Variants in SUSD6 observed in about 807,000 individuals in gnomAD.
The protein encoded by SUSD6 is sushi domain containing 6.
A neutral mutation model predicts 28.4 loss-of-function variants in SUSD6; 16 were observed. That is an observed-to-expected ratio of 0.56 (90% CI 0.38 to 0.86). The LOEUF is 0.86. Among genes scored for constraint, SUSD6 ranks in the 40% least tolerant of loss-of-function variants. SUSD6 has a pLI of 0.00. For synonymous variants in SUSD6, 147 were observed against 159.6 expected (o/e 0.92, Z 0.59); for missense variants, 341 against 384.2 (o/e 0.89, Z 0.94).
chr14:69,695,177 C>G (rs1886207206), intron 2 of SUSD6, among the ~76,000 whole-genome samples: 1 of 152,068 alleles, frequency 6.6e-6, no homozygotes, highest in African/African-American at 2.4e-5. Context: ...TCACTGCAGC[C>G]TGTTTTAGAC....
At chr14:69,651,550 A>G (rs1411669898) in intron 1 of SUSD6, among the ~76,000 whole-genome samples, 1 of 152,206 alleles carries the variant, frequency 6.6e-6, no homozygotes. Flanking sequence ...CTGGCCTGAA[A>G]GGATGTCAGA....
At chr14:69,673,503 A>G (rs1885863878) in intron 2 of SUSD6, among the ~76,000 whole-genome samples, 1 of 152,162 alleles carries the variant, frequency 6.6e-6, no homozygotes, top group Non-Finnish European at 1.5e-5. Context: ...TCTTGAACCC[A>G]CTAGGGAGAC....
intron 2 of SUSD6, among the ~76,000 whole-genome samples, chr14:69,691,080 G>T (rs1299633071): frequency 2.6e-5 from 4 of 152,166 alleles, no homozygotes; most frequent in African/African-American, 9.7e-5. Flanking sequence ...GCTCACATCT[G>T]TAATCCTACC....
Position 69,703,506 on chromosome 14 carries a change from A to G in SUSD6, c.233A>G (p.Tyr78Cys). Residue 78 changes from tyrosine to cysteine, a missense_variant, in exon 3 of 6, where the codon TAC becomes TGC. Transcript: ENST00000342745. ...SVIEYLCAEG[Y>C]MLKGDYKYLT... The stretch of plus-strand genomic sequence containing the variant: ...ATCGAATACCTGTGTGCTGAAGGCT[A>G]CATGTTGAAGGGCGATTACAAATAC... 6.2e-7 allele frequency: 1 copy of G among 1,614,212 alleles called. No individual in the cohort carries two copies. The highest frequency in any genetic ancestry group is 8.5e-7 in the Non-Finnish European group (1 of 1,180,036).
intron 2 of SUSD6, among the ~76,000 whole-genome samples, chr14:69,701,630 C>T (rs1052850144): frequency 6.6e-6 from 1 of 152,054 alleles, no homozygotes; most frequent in Non-Finnish European, 1.5e-5. Flanking sequence ...GGAGTGTTTG[C>T]GTTTTTCTTT....
chr14:69,672,210 C>T (rs562042362), intron 2 of SUSD6, among the ~76,000 whole-genome samples: 1 of 152,282 alleles, frequency 6.6e-6, no homozygotes, highest in South Asian at 2.1e-4. Flanking sequence ...GAGCTTGAAG[C>T]CCAAACCTAT....
intron 2 of SUSD6, among the ~76,000 whole-genome samples, chr14:69,664,803 A>G (rs1885714934): frequency 6.6e-6 from 1 of 152,224 alleles, no homozygotes; most frequent in Admixed American, 6.5e-5. Context: ...CTTAGAGGTT[A>G]TTCTTCTTAC....
At chr14:69,641,767 AT>A (rs1159647145) in intron 1 of SUSD6, among the ~76,000 whole-genome samples, 4,808 of 146,464 alleles carry the variant, frequency 0.033, 93 homozygotes, top group Middle Eastern at 0.073. Flanking sequence ...TTTAAAAAAA[AT>A]TTTTTTTTTT....
In SUSD6 at chr14:69,690,775, GA is replaced by G. The variant is rs372686938; in HGVS notation, c.122-12618del. On this transcript the variant is annotated intron_variant, in intron 2 of 5. Coordinates refer to ENST00000342745, the MANE Select transcript of SUSD6 (RefSeq NM_014734.4). Reference sequence around the variant, plus strand: ...CATCCCGCACAAGATGAAGGAGGAAGAATATCCAGGTCAATGGACTTGGTAA... The same window carrying G: ...CATCCCGCACAAGATGAAGGAGGAAGATATCCAGGTCAATGGACTTGGTAA... Among the ~76,000 whole-genome samples, 146 of 152,332 alleles carry G rather than the reference GA, an allele frequency of 9.6e-4. 1 individual carries two copies. Among genetic ancestry groups the G allele is most frequent in the African/African-American group, 3.3e-3 (139 of 41,570 alleles).
At chr14:69,658,428 G>C in intron 1 of SUSD6, 85 bp from the exon 2 acceptor site, 1 of 652,272 alleles carries the variant, frequency 1.5e-6, no homozygotes, top group Non-Finnish European at 2.6e-6. Flanking sequence ...CTTTGTGTGT[G>C]ATTATGGCTT....
At chr14:69,699,099 G>A (rs1886275378) in intron 2 of SUSD6, among the ~76,000 whole-genome samples, 1 of 152,156 alleles carries the variant, frequency 6.6e-6, no homozygotes, top group Admixed American at 6.5e-5. Context: ...TTTTTTTAGT[G>A]TTCTTCCCAG....
At chr14:69,653,722 T>G (rs1036376687) in intron 1 of SUSD6, among the ~76,000 whole-genome samples, 1 of 146,716 alleles carries the variant, frequency 6.8e-6, no homozygotes, top group African/African-American at 2.5e-5. Context: ...AGTATTTCTC[T>G]AGGGATAATG....
chr14:69,708,124 G>A (rs1289157220), intron 4 of SUSD6, among the ~76,000 whole-genome samples: 2 of 152,166 alleles, frequency 1.3e-5, no homozygotes, highest in East Asian at 3.8e-4. Flanking sequence ...CAAAATTATT[G>A]TGATTTCTAG....
chr14:69,670,866 T>C (rs1401135860), intron 2 of SUSD6, among the ~76,000 whole-genome samples: 1 of 152,262 alleles, frequency 6.6e-6, no homozygotes, highest in Non-Finnish European at 1.5e-5. Flanking sequence ...GAACTTCCCA[T>C]GTCACTGTTG....
At chr14:69,697,194 T>C in intron 2 of SUSD6, among the ~76,000 whole-genome samples, 1 of 152,168 alleles carries the variant, frequency 6.6e-6, no homozygotes, top group Non-Finnish European at 1.5e-5. Context: ...ATAATTAGCA[T>C]ATAATGAGCA....
intron 1 of SUSD6, among the ~76,000 whole-genome samples, chr14:69,629,438 A>G (rs138295845): frequency 1.3e-5 from 2 of 152,298 alleles, no homozygotes; most frequent in Non-Finnish European, 2.9e-5. Flanking sequence ...AGGCAACATT[A>G]TCTGCCTTTG....
intron 2 of SUSD6, among the ~76,000 whole-genome samples, chr14:69,663,302 A>G (rs944266388): frequency 2.0e-5 from 3 of 152,250 alleles, no homozygotes; most frequent in Admixed American, 6.5e-5. Context: ...ATGACATGTT[A>G]GGCCGTGTTA....
chr14:69,638,474 G>A (rs1885299486), intron 1 of SUSD6, among the ~76,000 whole-genome samples: 1 of 151,668 alleles, frequency 6.6e-6, no homozygotes, highest in South Asian at 2.1e-4. Context: ...GTGTGTGTGT[G>A]GGATTGAAGG....
chr14:69,696,115 G>A (rs1195187174), intron 2 of SUSD6, among the ~76,000 whole-genome samples: 1 of 152,214 alleles, frequency 6.6e-6, no homozygotes, highest in Non-Finnish European at 1.5e-5. Context: ...GAACCTGGCA[G>A]GTTTCCTGAT....
Sources: gnomAD v4.1 joint callset for allele counts (sites outside exome capture counted in the v4.1 genomes callset) on GRCh38, gnomAD v4.1.1 for gene constraint, MANE v1.5 for transcripts, NCBI Gene and HGNC (gene_info 2026-07-23, HGNC 2026-07-21) for gene names.